FGF12: variants seen among roughly 807,000 people sequenced by gnomAD.
FGF12 encodes fibroblast growth factor 12, also known as fibroblast growth factor 12B.
FGF12 carries 14 observed loss-of-function variants against 23.6 expected under a neutral mutation model. The observed-to-expected ratio is 0.59, with a 90% CI of 0.39 to 0.93. The LOEUF is 0.93. Among genes scored for constraint, FGF12 ranks in the 40% least tolerant of loss-of-function variants. FGF12 has a pLI of 0.00. For synonymous variants in FGF12, 62 were observed against 77.3 expected (o/e 0.80, Z 1.04); for missense variants, 175 against 217.8 (o/e 0.80, Z 1.24).
Position 192,336,728 on chromosome 3 carries a change from C to T in FGF12, c.125-1264G>A, listed in dbSNP as rs529757713. ...ACACATAAATTAACCCAAGGGCTAC[C>T]ATTATTTAGGGATGCCTCTATTTTT... On this transcript the variant is annotated intron_variant, in intron 3 of 5. Transcript: ENST00000445105. The surrounding 1 kb of genome is among the most constrained non-coding windows in gnomAD (Gnocchi z 4.3). Among the ~76,000 whole-genome samples, 10 of 152,118 alleles carry T rather than the reference C, an allele frequency of 6.6e-5. No homozygotes were observed. Among genetic ancestry groups the T allele is most frequent in the African/African-American group, 2.4e-4 (10 of 41,540 alleles).
chr3:192,462,300 T>A (rs1722887999), intron 2 of FGF12, among the ~76,000 whole-genome samples: 1 of 152,132 alleles, frequency 6.6e-6, no homozygotes, highest in South Asian at 2.1e-4. Context: ...GGTCTTTAAA[T>A]GGTGAGTGGG....
chr3:192,143,899 G>T lies in FGF12; in HGVS notation c.*110C>A. ...CAGAATCTTAGCCACTAGGTCTTGC[G>T]TTGTCATTTTATTTTCCTCTCCTTG... is the stretch of plus-strand genomic sequence containing the variant. On this transcript the variant is annotated 3_prime_UTR_variant, in exon 6 of 6. Transcript: ENST00000445105. 1.4e-6 allele frequency: 1 copy of T among 725,540 alleles called. No homozygotes were observed. Among genetic ancestry groups the T allele is most frequent in the Non-Finnish European group, 2.4e-6 (1 of 413,070 alleles). 44.9% of individuals were successfully genotyped at this position (725,540 alleles called of 1,614,324 possible).
chr3:192,722,353 A>G (rs1225186882), intron 2 of FGF12, among the ~76,000 whole-genome samples: 1 of 152,142 alleles, frequency 6.6e-6, no homozygotes, highest in Non-Finnish European at 1.5e-5. Context: ...ATCGCTTTCC[A>G]GTTCTGATAT....
At chr3:192,658,331 A>G (rs1337141209) in intron 2 of FGF12, among the ~76,000 whole-genome samples, 2 of 152,230 alleles carry the variant, frequency 1.3e-5, no homozygotes, top group Non-Finnish European at 2.9e-5. Flanking sequence ...AGACTGCTGC[A>G]TTGCTTCTGT....
intron 2 of FGF12, among the ~76,000 whole-genome samples, chr3:192,530,580 T>C (rs1208257236): frequency 6.6e-6 from 1 of 152,214 alleles, no homozygotes; most frequent in African/African-American, 2.4e-5. Context: ...TATTTAAGAA[T>C]TGTCTTTGTT....
chr3:192,522,212 C>CA (rs1157460890), intron 2 of FGF12, among the ~76,000 whole-genome samples: 2 of 131,872 alleles, frequency 1.5e-5, no homozygotes, highest in Non-Finnish European at 3.3e-5. Flanking sequence ...AAAAAAAAAA[C>CA]AAAAAAAAAC....
chr3:192,437,039 T>G (rs1722047522), intron 2 of FGF12, among the ~76,000 whole-genome samples: 1 of 152,290 alleles, frequency 6.6e-6, no homozygotes, highest in South Asian at 2.1e-4. Flanking sequence ...AGTGATATAG[T>G]CTGAATTGCA....
At chr3:192,641,802 A>C (rs1382173125) in intron 2 of FGF12, among the ~76,000 whole-genome samples, 1 of 152,222 alleles carries the variant, frequency 6.6e-6, no homozygotes, top group Non-Finnish European at 1.5e-5. Context: ...AAAAAGTGTT[A>C]TTGAAACACA....
intron 4 of FGF12, among the ~76,000 whole-genome samples, chr3:192,306,891 C>T (rs1193545902): frequency 1.3e-5 from 2 of 152,128 alleles, no homozygotes; most frequent in Non-Finnish European, 2.9e-5. Context: ...TTTATGTTTC[C>T]TTCCACTTCC....
chr3:192,701,007 C>T (rs1164322435), intron 2 of FGF12, among the ~76,000 whole-genome samples: 1 of 152,156 alleles, frequency 6.6e-6, no homozygotes, highest in African/African-American at 2.4e-5. Flanking sequence ...CTTTTCTGAT[C>T]TTTTCCCTAG....
intron 2 of FGF12, among the ~76,000 whole-genome samples, chr3:192,484,494 C>T (rs756446559): frequency 6.6e-6 from 1 of 152,044 alleles, no homozygotes; most frequent in Non-Finnish European, 1.5e-5. Flanking sequence ...TGTTGTTCTA[C>T]CTTATTATTC....
intron 2 of FGF12, among the ~76,000 whole-genome samples, chr3:192,625,692 C>G (rs559257032): frequency 6.6e-6 from 1 of 151,852 alleles, no homozygotes; most frequent in Non-Finnish European, 1.5e-5. Context: ...CATATTTTTT[C>G]AAGTACTTTG....
At chr3:192,279,183 T>C (rs1713986554) in intron 4 of FGF12, among the ~76,000 whole-genome samples, 1 of 150,606 alleles carries the variant, frequency 6.6e-6, no homozygotes, top group Non-Finnish European at 1.5e-5. Flanking sequence ...AAATGATCAG[T>C]TTGTATACTG....
chr3:192,453,969 G>T (rs1722604375), intron 2 of FGF12, among the ~76,000 whole-genome samples: 1 of 151,798 alleles, frequency 6.6e-6, no homozygotes, highest in Admixed American at 6.6e-5. Context: ...AATACTTTTG[G>T]TCTATTATTT....
At chr3:192,718,168 T>C (rs1015424044) in intron 2 of FGF12, among the ~76,000 whole-genome samples, 9 of 146,324 alleles carry the variant, frequency 6.2e-5, no homozygotes, top group South Asian at 2.2e-4. Context: ...TTTCTTTTTT[T>C]TTTTTTTTTT....
At chr3:192,485,555 T>C (rs965659879) in intron 2 of FGF12, among the ~76,000 whole-genome samples, 3 of 152,152 alleles carry the variant, frequency 2.0e-5, no homozygotes, top group African/African-American at 4.8e-5. Flanking sequence ...TTCCAGCAAT[T>C]AGTTGATAAA....
intron 4 of FGF12, among the ~76,000 whole-genome samples, chr3:192,307,156 T>C (rs1047576798): frequency 2.0e-5 from 3 of 152,182 alleles, no homozygotes; most frequent in East Asian, 1.9e-4. Context: ...AAGACAAATA[T>C]ATAGATAGAC....
chr3:192,412,391 TCTC>T (rs1334022284), intron 2 of FGF12, among the ~76,000 whole-genome samples: 10 of 152,208 alleles, frequency 6.6e-5, no homozygotes, highest in East Asian at 1.9e-4. Context: ...TGTTTGAAGT[TCTC>T]CTCTCTGTCT....
chr3:192,364,274 A>G (rs1718872982), intron 2 of FGF12, among the ~76,000 whole-genome samples: 1 of 152,232 alleles, frequency 6.6e-6, no homozygotes, highest in Non-Finnish European at 1.5e-5. Flanking sequence ...TCAATGGAAT[A>G]GGTTTTCTAT....
Sources: gnomAD v4.1 joint callset for allele counts (sites outside exome capture counted in the v4.1 genomes callset) on GRCh38, gnomAD v4.1.1 for gene constraint, Gnocchi (gnomAD v3.1) non-coding constraint, MANE v1.5 for transcripts, NCBI Gene and HGNC (gene_info 2026-07-23, HGNC 2026-07-21) for gene names.